Variants in DLGAP1 observed in about 807,000 individuals in gnomAD.
DLGAP1 encodes disks large-associated protein 1.
DLGAP1 carries 11 observed loss-of-function variants against 90.8 expected under a neutral mutation model. That is an observed-to-expected ratio of 0.12 (90% CI 0.08 to 0.20). DLGAP1 has a LOEUF of 0.20. DLGAP1 is among the 10% of genes least tolerant of loss of function. The pLI is 1.00. For synonymous variants in DLGAP1, 558 were observed against 540.7 expected, an observed-to-expected ratio of 1.03 and a Z score of -0.44; for missense variants, 1,050 against 1,333.8, an observed-to-expected ratio of 0.79 and a Z score of 3.31.
At chr18:4,223,162 A>G (rs1029845141) in intron 1 of DLGAP1, among the ~76,000 whole-genome samples, 8 of 152,230 alleles carry the variant, frequency 5.3e-5, no homozygotes, top group African/African-American at 1.9e-4. Context: ...CATTTAGTAC[A>G]TTTTTATACT....
In DLGAP1 at chr18:3,509,509, T is replaced by C. The variant is rs574626222; in HGVS notation, c.2480-848A>G. ...TGTCCCTGGGGCTCGCCTGCACCCT[T>C]TGGGACTGGGTGCAGCTGCCCTGCT... is the stretch of plus-strand genomic sequence containing the variant. On this transcript the variant is annotated intron_variant, in intron 10 of 12. Transcript: ENST00000315677. 1.7e-3 allele frequency among the ~76,000 whole-genome samples: 261 copies of C among 152,268 alleles called. 1 individual carries two copies. Among genetic ancestry groups the C allele is most frequent in the Middle Eastern group, 0.017 (5 of 294 alleles).
At chr18:3,817,727 G>A (rs755556593) in intron 4 of DLGAP1, among the ~76,000 whole-genome samples, 1 of 152,216 alleles carries the variant, frequency 6.6e-6, no homozygotes, top group Non-Finnish European at 1.5e-5. Flanking sequence ...CCCAAAGAGT[G>A]AAATGTTACT....
At chr18:3,552,969 T>C (rs1008688560) in intron 9 of DLGAP1, among the ~76,000 whole-genome samples, 27 of 152,196 alleles carry the variant, frequency 1.8e-4, no homozygotes, top group African/African-American at 6.5e-4. Context: ...TTTGCTGTTT[T>C]TTTTTTTCTC....
intron 1 of DLGAP1, among the ~76,000 whole-genome samples, chr18:4,298,853 G>A (rs1257164516): frequency 6.6e-6 from 1 of 151,952 alleles, no homozygotes; most frequent in Non-Finnish European, 1.5e-5. Flanking sequence ...AGGCCGAGGT[G>A]GGTGGATCAC....
intron 3 of DLGAP1, among the ~76,000 whole-genome samples, chr18:3,955,668 C>G (rs1213170832): frequency 6.6e-6 from 1 of 151,040 alleles, no homozygotes; most frequent in Non-Finnish European, 1.5e-5. Context: ...GAGCCGAGAT[C>G]GTGCCATTGC....
intron 2 of DLGAP1, among the ~76,000 whole-genome samples, chr18:4,150,460 G>A (rs1238872571): frequency 1.3e-5 from 2 of 151,698 alleles, no homozygotes; most frequent in African/African-American, 2.4e-5. Flanking sequence ...GTGCAATCTC[G>A]GCTCACTGCA....
chr18:4,363,400 T>C (rs1238936661), intron 1 of DLGAP1, among the ~76,000 whole-genome samples: 2 of 152,136 alleles, frequency 1.3e-5, no homozygotes, highest in Non-Finnish European at 2.9e-5. Context: ...CTCAAGGTGT[T>C]TAAACATACA....
At chr18:3,779,703 A>G (rs1007595424) in intron 5 of DLGAP1, among the ~76,000 whole-genome samples, 9 of 151,894 alleles carry the variant, frequency 5.9e-5, no homozygotes, top group Non-Finnish European at 1.2e-4. Flanking sequence ...AAGAGAAGGA[A>G]GCTGCCTCTT....
intron 2 of DLGAP1, among the ~76,000 whole-genome samples, chr18:4,051,555 T>C (rs1223210808): frequency 6.6e-6 from 1 of 152,164 alleles, no homozygotes; most frequent in Non-Finnish European, 1.5e-5. Flanking sequence ...ACTGGGTCCC[T>C]CCCACAATGT....
chr18:4,231,644 C>T (rs1420690710), intron 1 of DLGAP1, among the ~76,000 whole-genome samples: 2 of 152,080 alleles, frequency 1.3e-5, no homozygotes, highest in Non-Finnish European at 2.9e-5. Context: ...CTCATTCCTA[C>T]CATTTCTATT....
chr18:4,240,836 G>C (rs1267113330), intron 1 of DLGAP1, among the ~76,000 whole-genome samples: 1 of 152,110 alleles, frequency 6.6e-6, no homozygotes, highest in African/African-American at 2.4e-5. Flanking sequence ...CAAATGATGG[G>C]CTTCTCAAAA....
At chr18:3,622,316 A>G (rs1483782495) in intron 7 of DLGAP1, among the ~76,000 whole-genome samples, 1 of 152,092 alleles carries the variant, frequency 6.6e-6, no homozygotes, top group African/African-American at 2.4e-5. Context: ...TGTGTTAGCC[A>G]GGATGGTCTC....
rs1354928553 is a variant in DLGAP1, at chr18:3,518,966, G to A, written c.2480-10305C>T. ...AGATTTTCACAAGTGTCACTGATTG[G>A]TGAATAATTTCTTTTTTTATGAGTA... On this transcript the variant is annotated intron_variant, in intron 10 of 12. Transcript: ENST00000315677. 2.0e-5 allele frequency among the ~76,000 whole-genome samples: 3 copies of A among 152,280 alleles called. No individual in the cohort carries two copies. In the East Asian group the frequency reaches 5.8e-4, roughly 29 times the overall value.
intron 1 of DLGAP1, among the ~76,000 whole-genome samples, chr18:4,418,755 A>T (rs1280556538): frequency 6.6e-6 from 1 of 152,170 alleles, no homozygotes; most frequent in Non-Finnish European, 1.5e-5. Context: ...AAATAGAATA[A>T]CAGAAAGAGA....
intron 7 of DLGAP1, among the ~76,000 whole-genome samples, chr18:3,728,620 A>G (rs1598482434): frequency 6.6e-6 from 1 of 152,290 alleles, no homozygotes; most frequent in South Asian, 2.1e-4. Flanking sequence ...AAACTCATAA[A>G]ATGTGCGACC....
intron 4 of DLGAP1, among the ~76,000 whole-genome samples, chr18:3,815,348 A>G (rs1361094847): frequency 2.0e-5 from 3 of 151,658 alleles, no homozygotes; most frequent in South Asian, 4.2e-4. Context: ...AAGGTTTCCA[A>G]TGATCTCCTA....
In DLGAP1 at chr18:4,188,711, G is replaced by A. The variant is rs116454089; in HGVS notation, c.-266-37424C>T. On this transcript the variant is annotated intron_variant, in intron 1 of 12. Transcript: ENST00000315677. Reference sequence around the variant, plus strand: ...GCGCCACATTTCCTTTATCCAGCCAGTCATTGACGGGCATTTGGATTGGTT... The same window carrying A: ...GCGCCACATTTCCTTTATCCAGCCAATCATTGACGGGCATTTGGATTGGTT... Among the ~76,000 whole-genome samples, 505 of 152,262 alleles carry A rather than the reference G, an allele frequency of 3.3e-3. 4 individuals are homozygous for A. The highest frequency in any genetic ancestry group is 0.011 in the African/African-American group (453 of 41,560).
chr18:4,277,660 T>C (rs1167067211), intron 1 of DLGAP1, among the ~76,000 whole-genome samples: 1 of 152,218 alleles, frequency 6.6e-6, no homozygotes, highest in African/African-American at 2.4e-5. Flanking sequence ...AATTCTCTTT[T>C]TTCGGTTATT....
At chr18:3,737,407 T>C (rs1210335441) in intron 6 of DLGAP1, among the ~76,000 whole-genome samples, 1 of 142,654 alleles carries the variant, frequency 7.0e-6, no homozygotes, top group African/African-American at 2.6e-5. Context: ...CAGCAGCACA[T>C]CAAAAAGCTT....
Sources: allele counts gnomAD v4.1 joint callset (sites outside exome capture counted in the v4.1 genomes callset), GRCh38; gene constraint gnomAD v4.1.1; transcripts MANE v1.5; gene names NCBI Gene and HGNC (gene_info 2026-07-23, HGNC 2026-07-21).